PLCL2: variants seen among roughly 807,000 people sequenced by gnomAD.
The protein encoded by PLCL2 is phospholipase C like 2.
PLCL2 carries 4 observed loss-of-function variants against 79.6 expected under a neutral mutation model. The ratio of observed to expected loss-of-function variants is 0.05; its 90% CI spans 0.02 to 0.11. PLCL2 has a LOEUF of 0.11. Ranked by LOEUF, PLCL2 falls within the 10% of genes least tolerant of loss-of-function variation. The pLI, the probability that PLCL2 is intolerant of heterozygous loss-of-function variation, is 1.00. For synonymous variants in PLCL2, 484 were observed against 457.7 expected, an observed-to-expected ratio of 1.06 and a Z score of -0.73; for missense variants, 895 against 1,291.0, an observed-to-expected ratio of 0.69 and a Z score of 4.70.
At chr3:17,084,636 A>G (rs185380528) in intron 5 of PLCL2, among the ~76,000 whole-genome samples, 166 of 152,358 alleles carry the variant, frequency 1.1e-3, no homozygotes, top group African/African-American at 3.8e-3. Flanking sequence ...TTGAAAATCA[A>G]CTAATGTCAT....
At chr3:16,924,412 C>G (rs1697197168) in intron 1 of PLCL2, among the ~76,000 whole-genome samples, 1 of 152,172 alleles carries the variant, frequency 6.6e-6, no homozygotes, top group Admixed American at 6.6e-5. Flanking sequence ...GAAATTTCCT[C>G]AAACACCTGG....
chr3:17,054,624 T>A (rs2064875525), intron 4 of PLCL2, among the ~76,000 whole-genome samples: 1 of 152,044 alleles, frequency 6.6e-6, no homozygotes, highest in African/African-American at 2.4e-5. Context: ...CAACCAGATC[T>A]CTTGAGAACT....
chr3:16,944,355 A>C (rs2063581750), intron 1 of PLCL2, among the ~76,000 whole-genome samples: 1 of 152,174 alleles, frequency 6.6e-6, no homozygotes, highest in Non-Finnish European at 1.5e-5. Flanking sequence ...CCATCTTTCC[A>C]GGTGGTCAGG....
In PLCL2 at chr3:17,011,396, T is replaced by G; in HGVS notation, c.2050T>G (p.Ser684Ala). Reference protein sequence around the residue: ...RVFPSPMRIDSSNMNPQDFWK... With the variant: ...RVFPSPMRIDASNMNPQDFWK... The stretch of plus-strand genomic sequence containing the variant: ...TTTTCCCAGTCCAATGAGAATTGAT[T>G]CCAGTAACATGAATCCTCAAGATTT... Residue 684 changes from serine to alanine, a missense_variant, in exon 2 of 6, where the codon TCC becomes GCC. Ser to Ala is a moderately conservative substitution (Grantham distance 99, BLOSUM62 1). Transcript: ENST00000615277. The surrounding 1 kb of genome is among the most constrained non-coding windows in gnomAD (Gnocchi z 7.9). 2 of 1,614,164 alleles carry G rather than the reference T, an allele frequency of 1.2e-6. No individual in the cohort carries two copies. The highest frequency in any genetic ancestry group is 1.3e-5 in the African/African-American group (1 of 75,044).
At chr3:16,921,207 A>G (rs1030920470) in intron 1 of PLCL2, among the ~76,000 whole-genome samples, 3 of 152,222 alleles carry the variant, frequency 2.0e-5, no homozygotes, top group Non-Finnish European at 2.9e-5. Flanking sequence ...TTTTAGTCAT[A>G]TATTTTTAAA....
chr3:17,012,221 TTATAAA>T, intron 2 of PLCL2, 61 bp downstream of exon 2: 1 of 1,417,776 alleles, frequency 7.1e-7, no homozygotes, highest in Non-Finnish European at 9.5e-7. Context: ...TGTCCATAGT[TTATAAA>T]TATATTGGTT....
chr3:16,951,237 C>T (rs555951925), intron 1 of PLCL2, among the ~76,000 whole-genome samples: 5 of 151,990 alleles, frequency 3.3e-5, no homozygotes, highest in Admixed American at 1.3e-4. Flanking sequence ...GATCTTTGAG[C>T]ACCTTTTCTA....
chr3:16,997,674 G>T (rs1197961795), intron 1 of PLCL2, among the ~76,000 whole-genome samples: 1 of 151,988 alleles, frequency 6.6e-6, no homozygotes, highest in African/African-American at 2.4e-5. Context: ...AAGTAGCTGG[G>T]ATTACAGGCG....
intron 1 of PLCL2, among the ~76,000 whole-genome samples, chr3:16,932,267 T>A (rs950264818): frequency 6.6e-6 from 1 of 152,246 alleles, no homozygotes; most frequent in Admixed American, 6.5e-5. Flanking sequence ...GCTGTTAGCA[T>A]ACGCATTGTC....
At chr3:16,954,801 G>GT (rs2063688320) in intron 1 of PLCL2, among the ~76,000 whole-genome samples, 1 of 152,162 alleles carries the variant, frequency 6.6e-6, no homozygotes, top group African/African-American at 2.4e-5. Context: ...TTTTTGGTGT[G>GT]TTTTTTGGCT....
chr3:17,013,953 G>A (rs1575587379), intron 2 of PLCL2, among the ~76,000 whole-genome samples: 1 of 152,262 alleles, frequency 6.6e-6, no homozygotes, highest in East Asian at 1.9e-4. Context: ...ATGGCTTGCT[G>A]TGTGGATTAA....
intron 1 of PLCL2, among the ~76,000 whole-genome samples, chr3:16,938,967 A>T (rs931587831): frequency 9.2e-5 from 14 of 152,220 alleles, no homozygotes; most frequent in Admixed American, 6.5e-5. Flanking sequence ...TTAAAAACTT[A>T]ACAGCTAGCT....
chr3:16,959,980 C>A (rs1286461948), intron 1 of PLCL2, among the ~76,000 whole-genome samples: 2 of 152,154 alleles, frequency 1.3e-5, no homozygotes, highest in Non-Finnish European at 2.9e-5. Flanking sequence ...TGGCAGGCAC[C>A]TGTAGTCCCA....
At chr3:16,930,367 A>G (rs1697363585) in intron 1 of PLCL2, among the ~76,000 whole-genome samples, 1 of 152,160 alleles carries the variant, frequency 6.6e-6, no homozygotes, top group Non-Finnish European at 1.5e-5. Flanking sequence ...CCTCCCTCAA[A>G]TACTGCAGGG....
chr3:16,964,164 C>T (rs1462556363), intron 1 of PLCL2, among the ~76,000 whole-genome samples: 4 of 148,570 alleles, frequency 2.7e-5, no homozygotes, highest in Admixed American at 6.8e-5. Flanking sequence ...TAATGCTATC[C>T]CTCTCCCCTC....
At chr3:17,030,142 G>A (rs2064565358) in intron 3 of PLCL2, among the ~76,000 whole-genome samples, 1 of 152,032 alleles carries the variant, frequency 6.6e-6, no homozygotes, top group Non-Finnish European at 1.5e-5. Flanking sequence ...ACCCAGGCTG[G>A]TCTTGAACTC....
intron 3 of PLCL2, among the ~76,000 whole-genome samples, chr3:17,033,338 A>G (rs946171024): frequency 1.3e-5 from 2 of 152,200 alleles, no homozygotes; most frequent in Non-Finnish European, 2.9e-5. Flanking sequence ...GCAGACTTAT[A>G]TGACGCCAAA....
intron 1 of PLCL2, among the ~76,000 whole-genome samples, chr3:17,006,794 G>A (rs763843969): frequency 1.1e-4 from 16 of 152,210 alleles, no homozygotes; most frequent in South Asian, 4.1e-4. Flanking sequence ...CCACAGTGTG[G>A]TGTTTAAGCT....
At chr3:17,005,299 G>A (rs755292627) in intron 1 of PLCL2, among the ~76,000 whole-genome samples, 1 of 152,144 alleles carries the variant, frequency 6.6e-6, no homozygotes. Flanking sequence ...TCTCCAGAGC[G>A]AGCTAAATCG....
Sources: allele counts gnomAD v4.1 joint callset (sites outside exome capture counted in the v4.1 genomes callset), GRCh38; gene constraint gnomAD v4.1.1; non-coding constraint Gnocchi (gnomAD v3.1); transcripts MANE v1.5; gene names NCBI Gene and HGNC (gene_info 2026-07-23, HGNC 2026-07-21).